Variants in OR4F6 observed in about 807,000 individuals in gnomAD.
OR4F6 encodes olfactory receptor 4F6.
Under a neutral mutation model 15.9 loss-of-function variants are expected in OR4F6, and 13 were observed. The observed-to-expected ratio is 0.82, with a 90% CI of 0.53 to 1.30. OR4F6 has a LOEUF of 1.30. Ranked by LOEUF, OR4F6 falls within the 50% of genes most tolerant of loss-of-function variation. The probability of loss-of-function intolerance (pLI) is 0.00; values close to 1 mark genes in which losing one functional copy is unlikely to be tolerated. For missense variants in OR4F6, 426 were observed against 367.2 expected, an observed-to-expected ratio of 1.16 and a Z score of -1.31; for synonymous variants, 150 against 133.8, an observed-to-expected ratio of 1.12 and a Z score of -0.83.
chr15:101,806,271 T>C lies in OR4F6; in HGVS notation c.552T>C (p.Phe184=), dbSNP rs771814914. 6.2e-7 allele frequency: 1 copy of C among 1,612,346 alleles called. No individual in the cohort carries two copies. The highest frequency in any genetic ancestry group is 1.1e-5 in the South Asian group (1 of 90,966). The change falls in exon 2 of 2, where the codon TTT becomes TTC. Residue 184 remains phenylalanine, a synonymous_variant. Transcript: ENST00000328882. The part of the protein sequence containing the change: ...LDSFFCDLPR[F]IKLACIETYT... Reference sequence around the variant, plus strand: ...GTTTCTTTTGTGATCTTCCTCGATTTATCAAACTGGCTTGCATAGAGACCT... The same window carrying C: ...GTTTCTTTTGTGATCTTCCTCGATTCATCAAACTGGCTTGCATAGAGACCT...
rs753885969 is a variant in OR4F6, at chr15:101,805,803, C to T, written c.84C>T (p.Phe28=). ...CGCGGAAGATCCAGCTCCTCCTCTT[C>T]CTCTTTTTCTCAGTGTTCTATGTGT... The part of the protein sequence containing the change: ...SDSRKIQLLL[F]LFFSVFYVSS... The change falls in exon 2 of 2, where the codon TTC becomes TTT. Residue 28 remains phenylalanine, a synonymous_variant. Transcript: ENST00000328882. 1.2e-6 allele frequency: 2 copies of T among 1,614,008 alleles called. No homozygotes were observed. Among genetic ancestry groups the T allele is most frequent in the Non-Finnish European group, 1.7e-6 (2 of 1,180,000 alleles).
Position 101,806,009 on chromosome 15 carries a change from G to C in OR4F6, c.290G>C (p.Cys97Ser), listed in dbSNP as rs756348133. The part of the protein sequence containing the change: ...RKHKTISFGG[C>S]VVQIFFIHAV... ...CACAAGACCATCTCTTTTGGGGGCT[G>C]TGTAGTTCAGATCTTCTTTATCCAT... Residue 97 changes from cysteine (C) to serine (S), a missense_variant, in exon 2 of 2, where the codon TGT becomes TCT. Transcript: ENST00000328882. 12 of 1,614,030 alleles carry C rather than the reference G, an allele frequency of 7.4e-6. No individual in the cohort carries two copies. The highest frequency in any genetic ancestry group is 2.7e-5 in the African/African-American group (2 of 74,900).
chr15:101,803,894 T>C (rs964365748), intron 1 of OR4F6, among the ~76,000 whole-genome samples: 4 of 152,160 alleles, frequency 2.6e-5, no homozygotes, highest in Non-Finnish European at 5.9e-5. Flanking sequence ...AGTTTTGGTA[T>C]GTTACGGTTT....
Position 101,805,574 on chromosome 15 carries a change from G to C in OR4F6, c.-33-113G>C, listed in dbSNP as rs1902781681. 4.8e-6 allele frequency: 3 copies of C among 623,994 alleles called. No homozygotes were observed. In the South Asian group the frequency reaches 6.2e-5, roughly 13 times the overall value. 38.7% of individuals were successfully genotyped at this position (623,994 alleles called of 1,614,324 possible). On this transcript the variant is annotated intron_variant, in intron 1 of 1. Coordinates refer to ENST00000328882, the MANE Select transcript of OR4F6 (RefSeq NM_001005326.2). ...CTTTGTGACTGAAATTGTCTCTAAA[G>C]GCATATATTAGCCCTTGTCTAGTTT...
chr15:101,806,199 G>A lies in OR4F6; in HGVS notation c.480G>A (p.Leu160=), dbSNP rs532205771. The change falls in exon 2 of 2, where the codon TTG becomes TTA. Residue 160 remains leucine (L), a synonymous_variant. Coordinates refer to ENST00000328882, the MANE Select transcript of OR4F6 (RefSeq NM_001005326.2). ...GTATTATTCACTCAGTGATTCAGTT[G>A]GCTTTTGTTGTAGACCTGCTGTTCT... ...IIGIIHSVIQ[L]AFVVDLLFCG... The A allele has an allele frequency of 1.9e-6, 3 of 1,614,060 alleles. No individual in the cohort carries two copies. In the South Asian group the frequency reaches 3.3e-5, roughly 18 times the overall value.
Position 101,806,376 on chromosome 15 carries a change from C to T in OR4F6, c.657C>T (p.Ile219=), listed in dbSNP as rs1181389885. ...TTTTAATTCTCATAATCTCTTACATCTTTATTTTGGTGACTGTTCAGAAAA... is the reference window on the plus strand; with the variant it reads ...TTTTAATTCTCATAATCTCTTACATTTTTATTTTGGTGACTGTTCAGAAAA... ...ASFLILIISY[I]FILVTVQKKS... Residue 219 remains isoleucine, a synonymous_variant, in exon 2 of 2, where the codon ATC becomes ATT. Coordinates refer to ENST00000328882, the MANE Select transcript of OR4F6 (RefSeq NM_001005326.2). The T allele has an allele frequency of 5.6e-6, 9 of 1,613,986 alleles. No individual in the cohort carries two copies. Among genetic ancestry groups the T allele is most frequent in the Non-Finnish European group, 7.6e-6 (9 of 1,179,940 alleles).
At position 101,805,813 on chromosome 15, in the gene OR4F6, T is replaced by G. The variant is rs1245769372; in HGVS notation, c.94T>G (p.Ser32Ala). Residue 32 changes from serine (S) to alanine (A), a missense_variant, in exon 2 of 2, where the codon TCA becomes GCA. Ser to Ala is a moderately conservative substitution (Grantham distance 99). Transcript: ENST00000328882. ...KIQLLLFLFF[S>A]VFYVSSLMGN... Reference sequence around the variant, plus strand: ...CCAGCTCCTCCTCTTCCTCTTTTTCTCAGTGTTCTATGTGTCAAGCCTGAT... The same window carrying G: ...CCAGCTCCTCCTCTTCCTCTTTTTCGCAGTGTTCTATGTGTCAAGCCTGAT... 1.9e-6 allele frequency: 3 copies of G among 1,614,026 alleles called. No homozygotes were observed. The highest frequency in any genetic ancestry group is 2.5e-6 in the Non-Finnish European group (3 of 1,180,016).
rs1374836610 is a variant in OR4F6 at position 101,806,632 on chromosome 15, T to C, written c.913T>C (p.Phe305Leu). The C allele has an allele frequency of 6.3e-7, 1 of 1,584,566 alleles. No individual in the cohort carries two copies. Among genetic ancestry groups the C allele is most frequent in the Admixed American group, 1.9e-5 (1 of 52,538 alleles). ...MVAMRRRCSQ[F>L]VNYSKIF ...GGCAATGAGAAGACGATGCTCTCAG[T>C]TTGTGAATTACAGTAAAATCTTTTA... The change falls in exon 2 of 2, where the codon TTT becomes CTT. Residue 305 changes from phenylalanine to leucine, a missense_variant. Phe to Leu is a conservative substitution (Grantham distance 22). Transcript: ENST00000328882.
rs1222376285 is a variant in OR4F6 at position 101,806,397 on chromosome 15, G to T, written c.678G>T (p.Gln226His). Residue 226 changes from glutamine to histidine, a missense_variant, in exon 2 of 2, where the codon CAG becomes CAT. Physicochemically the swap from Gln to His is conservative, Grantham distance 24. Transcript: ENST00000328882. The stretch of plus-strand genomic sequence containing the variant: ...ACATCTTTATTTTGGTGACTGTTCA[G>T]AAAAAATCTTCAGGTGGTATATTCA... The part of the protein sequence containing the change: ...ISYIFILVTV[Q>H]KKSSGGIFKA... The T allele has an allele frequency of 6.8e-6, 11 of 1,613,414 alleles. No individual in the cohort carries two copies. Among genetic ancestry groups the T allele is most frequent in the Non-Finnish European group, 9.3e-6 (11 of 1,179,838 alleles).
intron 1 of OR4F6, 89 bp from the exon 2 acceptor site, chr15:101,805,598 T>G (rs1596370302): frequency 2.8e-6 from 2 of 715,134 alleles, no homozygotes; most frequent in Non-Finnish European, 4.7e-6. Context: ...CTTGTCTAGT[T>G]TTCTGACAAC....
intron 1 of OR4F6, among the ~76,000 whole-genome samples, chr15:101,803,857 G>A (rs944512140): frequency 1.3e-5 from 2 of 152,104 alleles, no homozygotes. Context: ...TAAAATGTGA[G>A]GAATTTTAGA....
At chr15:101,805,092 T>C (rs970232461) in intron 1 of OR4F6, among the ~76,000 whole-genome samples, 6 of 152,236 alleles carry the variant, frequency 3.9e-5, no homozygotes, top group Admixed American at 2.6e-4. Flanking sequence ...ATGCCATTTA[T>C]ACTATTATCA....
Position 101,805,891 on chromosome 15 carries a change from C to T in OR4F6, c.172C>T (p.Pro58Ser). Reference sequence around the variant, plus strand: ...GACCTCTGACCCTCGTTTACAGTCCCCCATGTACTTCCTGCTGGCCAACCT... The same window carrying T: ...GACCTCTGACCCTCGTTTACAGTCCTCCATGTACTTCCTGCTGGCCAACCT... ...TVTSDPRLQS[P>S]MYFLLANLSI... The change falls in exon 2 of 2, where the codon CCC becomes TCC. Residue 58 changes from proline to serine, a missense_variant. Coordinates refer to ENST00000328882, the MANE Select transcript of OR4F6 (RefSeq NM_001005326.2). 1 of 1,614,160 alleles carries T rather than the reference C, an allele frequency of 6.2e-7. No individual in the cohort carries two copies. Among genetic ancestry groups the T allele is most frequent in the East Asian group, 2.2e-5 (1 of 44,876 alleles).
intron 1 of OR4F6, among the ~76,000 whole-genome samples, chr15:101,804,001 C>T (rs1902757068): frequency 6.6e-6 from 1 of 152,194 alleles, no homozygotes; most frequent in African/African-American, 2.4e-5. Context: ...CAAACATATT[C>T]TGGATTTGCC....
rs1902804990 is a variant in OR4F6 at position 101,806,341 on chromosome 15, C to G, written c.622C>G (p.Leu208Val). ...MVTANSGFIS[L>V]ASFLILIISY... Reference sequence around the variant, plus strand: ...TACTGCCAATAGTGGATTTATTTCTCTGGCTTCTTTTTTAATTCTCATAAT... The same window carrying G: ...TACTGCCAATAGTGGATTTATTTCTGTGGCTTCTTTTTTAATTCTCATAAT... The change falls in exon 2 of 2, where the codon CTG becomes GTG. Residue 208 changes from leucine (L) to valine (V), a missense_variant. Physicochemically the swap from Leu to Val is conservative, Grantham distance 32 (BLOSUM62 1). Coordinates refer to ENST00000328882, the MANE Select transcript of OR4F6 (RefSeq NM_001005326.2). The G allele has an allele frequency of 1.9e-6, 3 of 1,613,958 alleles. No individual in the cohort carries two copies. The highest frequency in any genetic ancestry group is 3.3e-5 in the Admixed American group (2 of 59,994).
chr15:101,806,096 T>C lies in OR4F6; in HGVS notation c.377T>C (p.Ile126Thr), dbSNP rs1410508851. The C allele has an allele frequency of 6.2e-7, 1 of 1,614,154 alleles. No individual in the cohort carries two copies. The highest frequency in any genetic ancestry group is 8.5e-7 in the Non-Finnish European group (1 of 1,180,000). Residue 126 changes from isoleucine to threonine, a missense_variant, in exon 2 of 2, where the codon ATA (isoleucine) becomes ACA (threonine). Ile to Thr is a moderately conservative substitution (Grantham distance 89). Coordinates refer to ENST00000328882, the MANE Select transcript of OR4F6 (RefSeq NM_001005326.2). The part of the protein sequence containing the change: ...IAMAFDRYVA[I>T]CKPLHYLTIM... ...ATGGCTTTTGACCGATATGTGGCCA[T>C]ATGTAAGCCTCTCCACTACCTGACC... is the stretch of plus-strand genomic sequence containing the variant.
Position 101,806,367 on chromosome 15 carries a change from C to G in OR4F6, c.648C>G (p.Ile216Met), listed in dbSNP as rs201852576. ...TGGCTTCTTTTTTAATTCTCATAAT[C>G]TCTTACATCTTTATTTTGGTGACTG... ...ISLASFLILIISYIFILVTVQ... is the reference protein window; with the variant it reads ...ISLASFLILIMSYIFILVTVQ... The change falls in exon 2 of 2, where the codon ATC becomes ATG. Residue 216 changes from isoleucine to methionine, a missense_variant. Transcript: ENST00000328882. 22 of 1,613,970 alleles carry G rather than the reference C, an allele frequency of 1.4e-5. No homozygotes were observed. The highest frequency in any genetic ancestry group is 1.9e-5 in the Non-Finnish European group (22 of 1,179,966).
At chr15:101,805,302 G>A (rs150186519) in intron 1 of OR4F6, among the ~76,000 whole-genome samples, 1 of 152,124 alleles carries the variant, frequency 6.6e-6, no homozygotes, top group African/African-American at 2.4e-5. Flanking sequence ...GTATCAAAGA[G>A]GACTTCATGG....
In OR4F6 at chr15:101,806,715, TTAAG is replaced by T; in HGVS notation, c.*62_*65del. 1.0e-6 allele frequency: 1 copy of T among 972,364 alleles called. No individual in the cohort carries two copies. Among genetic ancestry groups the T allele is most frequent in the African/African-American group, 1.6e-5 (1 of 60,614 alleles). 60.2% of individuals were successfully genotyped at this position (972,364 alleles called of 1,614,324 possible). A position where few individuals can be genotyped will look rare whatever the true frequency, so the allele number is the denominator to read the frequency against. On this transcript the variant is annotated 3_prime_UTR_variant, in exon 2 of 2. Transcript: ENST00000328882. ...TACTAGAATTTCAGACAGATATGTGTTAAGTAAGCTATGTTAAATTTAACCAGAA... is the reference window on the plus strand; with the variant it reads ...TACTAGAATTTCAGACAGATATGTGTTAAGCTATGTTAAATTTAACCAGAA...
Sources: allele counts gnomAD v4.1 joint callset (sites outside exome capture counted in the v4.1 genomes callset), GRCh38; gene constraint gnomAD v4.1.1; transcripts MANE v1.5; gene names NCBI Gene and HGNC (gene_info 2026-07-23, HGNC 2026-07-21).